Variants in UNC79 observed in about 807,000 individuals in gnomAD.
The protein encoded by UNC79 is unc-79 subunit of NALCN channel complex, also known as protein unc-79 homolog.
UNC79 carries 37 observed loss-of-function variants against 283.1 expected under a neutral mutation model. That is an observed-to-expected ratio of 0.13 (90% CI 0.10 to 0.17). The LOEUF is 0.17. UNC79 is among the 10% of genes least tolerant of loss of function. UNC79 has a pLI of 1.00. For synonymous variants in UNC79, 1,107 were observed against 1,200.2 expected, an observed-to-expected ratio of 0.92 and a Z score of 1.61; for missense variants, 2,272 against 3,211.1, an observed-to-expected ratio of 0.71 and a Z score of 7.07.
chr14:93,512,629 TC>T, intron 7 of UNC79, among the ~76,000 whole-genome samples: 1 of 152,284 alleles, frequency 6.6e-6, no homozygotes, highest in African/African-American at 2.4e-5. Context: ...GATCCTTTCT[TC>T]TGCTGCGTCC....
At chr14:93,400,825 T>C (rs2055093805) in intron 1 of UNC79, among the ~76,000 whole-genome samples, 1 of 152,068 alleles carries the variant, frequency 6.6e-6, no homozygotes, top group Non-Finnish European at 1.5e-5. Flanking sequence ...AATGAATTAG[T>C]GTTATGGCAA....
At position 93,357,579 on chromosome 14, in the gene UNC79, G is replaced by T. The variant is rs1477483299; in HGVS notation, c.-351+24056G>T. Among the ~76,000 whole-genome samples, 3 of 149,856 alleles carry T rather than the reference G, an allele frequency of 2.0e-5. No homozygotes were observed. The East Asian group carries it at 5.9e-4, about 30-fold the overall frequency. On this transcript the variant is annotated intron_variant, in intron 1 of 49. Coordinates refer to the UNC79 transcript ENST00000256339. ...TAAACATCAGACTCCAAGTTCTTTA[G>T]CTTTGGGACTCAGACTGGCTTCCTT... is the stretch of plus-strand genomic sequence containing the variant.
At chr14:93,405,351 TTA>T (rs913099198) in intron 1 of UNC79, among the ~76,000 whole-genome samples, 1 of 151,358 alleles carries the variant, frequency 6.6e-6, no homozygotes, top group African/African-American at 2.4e-5. Flanking sequence ...CCTTTAAATA[TTA>T]TATATGATAT....
chr14:93,625,584 C>T (rs1202697955), intron 30 of UNC79, among the ~76,000 whole-genome samples: 1 of 152,170 alleles, frequency 6.6e-6, no homozygotes, highest in Non-Finnish European at 1.5e-5. Context: ...ACTGCAACCT[C>T]TTCATGATCT....
chr14:93,549,556 T>C (rs995381544), intron 14 of UNC79, among the ~76,000 whole-genome samples: 5 of 152,230 alleles, frequency 3.3e-5, no homozygotes, highest in Non-Finnish European at 7.3e-5. Flanking sequence ...TTAATTTATA[T>C]ATGTTAAAAT....
chr14:93,415,155 G>A (rs1376394209), intron 1 of UNC79, among the ~76,000 whole-genome samples: 2 of 152,162 alleles, frequency 1.3e-5, no homozygotes, highest in Non-Finnish European at 2.9e-5. Flanking sequence ...TTGGCTGTGG[G>A]TTTGTCATAG....
chr14:93,585,493 C>T (rs1049437303), intron 20 of UNC79, among the ~76,000 whole-genome samples: 5 of 152,224 alleles, frequency 3.3e-5, no homozygotes, highest in African/African-American at 1.2e-4. Context: ...TCAAACAAAA[C>T]AGTCAAGTAC....
intron 1 of UNC79, among the ~76,000 whole-genome samples, chr14:93,397,757 A>G (rs1349386832): frequency 1.6e-5 from 2 of 125,818 alleles, no homozygotes; most frequent in East Asian, 4.6e-4. Context: ...CAATGGTTGG[A>G]GTCATTTTTT....
chr14:93,580,994 C>T (rs2063763160), intron 19 of UNC79, among the ~76,000 whole-genome samples: 1 of 152,078 alleles, frequency 6.6e-6, no homozygotes, highest in Non-Finnish European at 1.5e-5. Flanking sequence ...CAGGCATGAG[C>T]CACCATGCCT....
intron 26 of UNC79, among the ~76,000 whole-genome samples, chr14:93,606,775 T>C (rs1272227085): frequency 6.6e-6 from 1 of 152,218 alleles, no homozygotes; most frequent in African/African-American, 2.4e-5. Context: ...AATAGAAAAT[T>C]CTGTTTTCTA....
In UNC79 at chr14:93,653,703, C is replaced by T. The variant is rs146910242; in HGVS notation, c.6084-39C>T. On this transcript the variant is annotated intron_variant, in intron 35 of 48. Coordinates refer to ENST00000555664, the Ensembl canonical transcript of UNC79. ...AAATATCTGAACACCTGCTCACTGG[C>T]CCATGACTTCGTGTCTTTTCTCCCC... 116 of 1,575,874 alleles carry T rather than the reference C, an allele frequency of 7.4e-5. 1 individual carries two copies. Among genetic ancestry groups the T allele is most frequent in the Middle Eastern group, 4.1e-4 (2 of 4,910 alleles).
At chr14:93,361,871 A>G (rs567640193) in intron 1 of UNC79, among the ~76,000 whole-genome samples, 5 of 152,318 alleles carry the variant, frequency 3.3e-5, no homozygotes, top group African/African-American at 4.8e-5. Context: ...TGTTCCTTCA[A>G]TACCTAGTTT....
chr14:93,491,558 T>C (rs576412175), intron 5 of UNC79, among the ~76,000 whole-genome samples: 1 of 152,118 alleles, frequency 6.6e-6, no homozygotes, highest in African/African-American at 2.4e-5. Context: ...CTTGAGCAAG[T>C]TTTTTACCCC....
chr14:93,564,788 G>A (rs149070211), intron 14 of UNC79, among the ~76,000 whole-genome samples: 3,060 of 152,200 alleles, frequency 0.02, 51 homozygotes, highest in Non-Finnish European at 0.03. Flanking sequence ...AAGGTGCTCA[G>A]TGGGGGAGCT....
intron 3 of UNC79, among the ~76,000 whole-genome samples, chr14:93,477,051 A>G (rs2057842654): frequency 6.6e-6 from 1 of 152,222 alleles, no homozygotes; most frequent in Non-Finnish European, 1.5e-5. Flanking sequence ...GACTCAATGC[A>G]CATGGTCATG....
At chr14:93,598,236 C>T (rs911164633) in intron 24 of UNC79, among the ~76,000 whole-genome samples, 1 of 152,154 alleles carries the variant, frequency 6.6e-6, no homozygotes, top group Non-Finnish European at 1.5e-5. Flanking sequence ...AGCAATCCTC[C>T]CGCTTTGGCC....
chr14:93,458,719 T>C (rs1356486410), intron 1 of UNC79, among the ~76,000 whole-genome samples: 1 of 152,196 alleles, frequency 6.6e-6, no homozygotes, highest in Admixed American at 6.5e-5. Flanking sequence ...CTAAAGATAA[T>C]TGACATTTAA....
intron 27 of UNC79, among the ~76,000 whole-genome samples, chr14:93,615,665 G>A (rs1467219662): frequency 1.0e-4 from 13 of 125,764 alleles, no homozygotes; most frequent in African/African-American, 3.7e-4. Context: ...GAGTTGCAGT[G>A]AGCCAAGATT....
chr14:93,364,182 A>T (rs1404048123), intron 1 of UNC79, among the ~76,000 whole-genome samples: 1 of 152,182 alleles, frequency 6.6e-6, no homozygotes, highest in Non-Finnish European at 1.5e-5. Flanking sequence ...TAGTATACCC[A>T]TGCAACCAGC....
Sources: gnomAD v4.1 joint callset for allele counts (sites outside exome capture counted in the v4.1 genomes callset) on GRCh38, gnomAD v4.1.1 for gene constraint, MANE v1.5 for transcripts, NCBI Gene and HGNC (gene_info 2026-07-23, HGNC 2026-07-21) for gene names.